Variants in CPQ observed in about 807,000 individuals in gnomAD.
CPQ encodes carboxypeptidase Q, also known as Ser-Met dipeptidase.
In CPQ, 37 loss-of-function variants were observed where a neutral mutation model predicts 45.7. The ratio of observed to expected loss-of-function variants is 0.81; its 90% CI spans 0.62 to 1.07. CPQ has a LOEUF of 1.07. Ranked by LOEUF, CPQ falls within the 50% of genes least tolerant of loss-of-function variation. The probability of loss-of-function intolerance (pLI) is 0.00; values close to 1 mark genes in which losing one functional copy is unlikely to be tolerated. For synonymous variants in CPQ, 186 were observed against 205.8 expected, an observed-to-expected ratio of 0.90 and a Z score of 0.82; for missense variants, 537 against 572.9, an observed-to-expected ratio of 0.94 and a Z score of 0.64.
chr8:96,749,733 G>A (rs1049483671), intron 1 of CPQ, among the ~76,000 whole-genome samples: 3 of 152,112 alleles, frequency 2.0e-5, no homozygotes, highest in Non-Finnish European at 4.4e-5. Context: ...GAGGAAAAAG[G>A]CACTTTACAC....
rs1427253788 is a variant in CPQ, at chr8:96,678,214, G to T, written c.-35+32812G>T. Among the ~76,000 whole-genome samples the T allele has an allele frequency of 3.9e-5, 6 of 152,108 alleles. No individual in the cohort carries two copies. The South Asian group carries it at 1.2e-3, about 32-fold the overall frequency. On this transcript the variant is annotated intron_variant, in intron 1 of 7. Coordinates refer to ENST00000220763, the MANE Select transcript of CPQ (RefSeq NM_016134.4). ...TTTTTCTAATTCTGTGAAGAATGATGATGGTATTTTGATGGGAATTGCATT... is the reference window on the plus strand; with the variant it reads ...TTTTTCTAATTCTGTGAAGAATGATTATGGTATTTTGATGGGAATTGCATT...
intron 6 of CPQ, among the ~76,000 whole-genome samples, chr8:97,045,233 A>T (rs902817242): frequency 9.9e-5 from 15 of 151,920 alleles, no homozygotes; most frequent in Admixed American, 4.6e-4. Flanking sequence ...TTGCAGTTTG[A>T]TCTCAGACTG....
At chr8:96,737,971 T>C (rs775600434) in intron 1 of CPQ, among the ~76,000 whole-genome samples, 2 of 152,204 alleles carry the variant, frequency 1.3e-5, no homozygotes, top group Non-Finnish European at 2.9e-5. Context: ...TTTTTATTCT[T>C]CTATAGCCCA....
intron 3 of CPQ, among the ~76,000 whole-genome samples, chr8:96,853,117 G>A (rs1303688714): frequency 6.6e-6 from 1 of 152,236 alleles, no homozygotes; most frequent in Non-Finnish European, 1.5e-5. Flanking sequence ...GTCAGGATGT[G>A]AATGGAAGTG....
Position 96,785,253 on chromosome 8 carries a change from C to T in CPQ, c.356C>T (p.Ser119Leu). 1.2e-6 allele frequency: 2 copies of T among 1,613,568 alleles called. No individual in the cohort carries two copies. Among genetic ancestry groups the T allele is most frequent in the Non-Finnish European group, 1.7e-6 (2 of 1,179,752 alleles). The change falls in exon 2 of 8, where the codon TCA (serine) becomes TTA (leucine). Residue 119 changes from serine (S) to leucine (L), a missense_variant. Ser to Leu is a moderately radical substitution (Grantham distance 145, BLOSUM62 -2). Coordinates refer to ENST00000220763, the MANE Select transcript of CPQ (RefSeq NM_016134.4). ...CCCCACTGGGAGAGGGGAGAAGAATCAGCTGTGATGCTGGAGCCAAGAATT... is the reference window on the plus strand; with the variant it reads ...CCCCACTGGGAGAGGGGAGAAGAATTAGCTGTGATGCTGGAGCCAAGAATT... Reference protein sequence around the residue: ...RIPHWERGEESAVMLEPRIHK... With the variant: ...RIPHWERGEELAVMLEPRIHK...
chr8:96,833,321 A>AAAACAAAACAAAACAAAAC (rs1563508418), intron 2 of CPQ, among the ~76,000 whole-genome samples: 1 of 151,990 alleles, frequency 6.6e-6, no homozygotes, highest in Non-Finnish European at 1.5e-5. Context: ...CAAAACAAAA[A>AAAACAAAACAAAACAAAAC]AAAACTTGAA....
At chr8:97,104,612 C>A (rs978104637) in intron 7 of CPQ, among the ~76,000 whole-genome samples, 1 of 152,166 alleles carries the variant, frequency 6.6e-6, no homozygotes, top group Non-Finnish European at 1.5e-5. Context: ...ATTTATATGA[C>A]CTGTTTTGTA....
At chr8:96,893,216 T>C (rs556965874) in intron 4 of CPQ, among the ~76,000 whole-genome samples, 1 of 152,286 alleles carries the variant, frequency 6.6e-6, no homozygotes, top group South Asian at 2.1e-4. Flanking sequence ...TTATTCTAGT[T>C]TGTGAAGTGC....
intron 5 of CPQ, among the ~76,000 whole-genome samples, chr8:97,016,616 G>A (rs1361728842): frequency 6.6e-6 from 1 of 152,138 alleles, no homozygotes; most frequent in Non-Finnish European, 1.5e-5. Context: ...TGAAAATAGA[G>A]TTATGCATGC....
At chr8:96,741,570 G>A (rs1327131042) in intron 1 of CPQ, among the ~76,000 whole-genome samples, 2 of 152,028 alleles carry the variant, frequency 1.3e-5, no homozygotes, top group Non-Finnish European at 2.9e-5. Context: ...TGATGTTAGG[G>A]TGTCAATTTT....
intron 5 of CPQ, among the ~76,000 whole-genome samples, chr8:97,027,152 C>T (rs1809817750): frequency 6.6e-6 from 1 of 152,140 alleles, no homozygotes; most frequent in Non-Finnish European, 1.5e-5. Context: ...TTTAAATTGA[C>T]TTTAAGCACA....
At chr8:96,867,793 G>A (rs1412689456) in intron 3 of CPQ, among the ~76,000 whole-genome samples, 1 of 151,964 alleles carries the variant, frequency 6.6e-6, no homozygotes, top group Non-Finnish European at 1.5e-5. Flanking sequence ...TGGCTGCAGA[G>A]TTATGTTATG....
chr8:97,000,002 T>C (rs895359877), intron 5 of CPQ, among the ~76,000 whole-genome samples: 6 of 151,766 alleles, frequency 4.0e-5, no homozygotes, highest in African/African-American at 1.5e-4. Flanking sequence ...TGCTGAGCTT[T>C]TTTTTTTTTG....
At chr8:97,043,111 G>T (rs1810162520) in intron 6 of CPQ, among the ~76,000 whole-genome samples, 1 of 152,124 alleles carries the variant, frequency 6.6e-6, no homozygotes, top group South Asian at 2.1e-4. Context: ...TTATTAATGT[G>T]TGGGAGTCTA....
intron 7 of CPQ, among the ~76,000 whole-genome samples, chr8:97,128,203 CAG>C (rs1811878516): frequency 6.6e-6 from 1 of 152,200 alleles, no homozygotes; most frequent in Admixed American, 6.5e-5. Context: ...TTTAGTCACT[CAG>C]AGAATTAGGA....
intron 1 of CPQ, among the ~76,000 whole-genome samples, chr8:96,783,524 CCCTCATGT>C (rs1328317388): frequency 1.3e-5 from 2 of 152,112 alleles, no homozygotes; most frequent in Admixed American, 6.6e-5. Flanking sequence ...AAAGGTGGAG[CCCTCATGT>C]CCTGAATACA....
At chr8:96,749,300 G>A (rs1343706577) in intron 1 of CPQ, among the ~76,000 whole-genome samples, 2 of 152,102 alleles carry the variant, frequency 1.3e-5, no homozygotes, top group African/African-American at 2.4e-5. Context: ...TTTTCTCCAC[G>A]CTCTGGGAAA....
chr8:96,915,868 C>T (rs968346934), intron 4 of CPQ, among the ~76,000 whole-genome samples: 4 of 152,188 alleles, frequency 2.6e-5, no homozygotes, highest in African/African-American at 9.6e-5. Context: ...AGAACCTCCT[C>T]TCCCACTTTG....
At chr8:96,699,798 T>C (rs1394124494) in intron 1 of CPQ, among the ~76,000 whole-genome samples, 1 of 151,830 alleles carries the variant, frequency 6.6e-6, no homozygotes, top group Non-Finnish European at 1.5e-5. Context: ...GTCAGACACC[T>C]CCCCCAGAGA....
Sources: gnomAD v4.1 joint callset for allele counts (sites outside exome capture counted in the v4.1 genomes callset) on GRCh38, gnomAD v4.1.1 for gene constraint, MANE v1.5 for transcripts, NCBI Gene and HGNC (gene_info 2026-07-23, HGNC 2026-07-21) for gene names.